The following ST8SIA3 variants were observed in gnomAD, a reference collection of about 807,000 sequenced individuals.
ST8SIA3 encodes the protein alpha-N-acetylneuraminate alpha-2,8-sialyltransferase ST8SIA3.
In ST8SIA3, 17 loss-of-function variants were observed where a neutral mutation model predicts 34.5. The observed-to-expected ratio is 0.49, with a 90% confidence interval of 0.34 to 0.74. ST8SIA3 has a LOEUF of 0.74. Among genes scored for constraint, ST8SIA3 ranks in the 30% least tolerant of loss-of-function variants. ST8SIA3 has a pLI of 0.01. For synonymous variants in ST8SIA3, 172 were observed against 176.1 expected, an observed-to-expected ratio of 0.98 and a Z score of 0.19; for missense variants, 354 against 467.8, an observed-to-expected ratio of 0.76 and a Z score of 2.24.
Position 57,360,022 on chromosome 18 carries a change from T to C in ST8SIA3, c.888T>C (p.Pro296=), listed in dbSNP as rs1316449441. Residue 296 remains proline (P), a synonymous_variant, in exon 4 of 4, where the codon CCT becomes CCC. Transcript: ENST00000324000. ...ACTGGAAAAACAAACATTTGTCACCTAAACGGCTGAGCACAGGTATTCTTA... is the reference window on the plus strand; with the variant it reads ...ACTGGAAAAACAAACATTTGTCACCCAAACGGCTGAGCACAGGTATTCTTA... ...NRYWKNKHLS[P]KRLSTGILMY... 6.2e-7 allele frequency: 1 copy of C among 1,613,004 alleles called. No individual in the cohort carries two copies.
rs1011850258 is a variant in ST8SIA3 at position 57,366,908 on chromosome 18, A to G, written c.*6631A>G. The G allele has an allele frequency of 5.9e-5, 9 of 152,262 alleles. No homozygotes were observed. Among genetic ancestry groups the G allele is most frequent in the African/African-American group, 2.2e-4 (9 of 41,472 alleles). The allele number at this position is 152,262 out of a possible 1,614,324, so 9.4% of individuals were successfully genotyped here. A position where few individuals can be genotyped will look rare whatever the true frequency, so the allele number is the denominator to read the frequency against. ...CCCCTGCAGTCCCCTGGCATTGAGC[A>G]ATAGAGCAACTGTCCTTTCTCACCA... On this transcript the variant is annotated 3_prime_UTR_variant, in exon 4 of 4. Transcript: ENST00000324000.
rs757593542 is a variant in ST8SIA3, at chr18:57,352,696, G to A, written c.-151G>A. 1.2e-5 allele frequency: 1 copy of A among 82,148 alleles called. No homozygotes were observed. The highest frequency in any genetic ancestry group is 4.9e-5 in the South Asian group (1 of 20,550). 5.1% of individuals were successfully genotyped at this position (82,148 alleles called of 1,614,324 possible). ...GCCCCGGTGGCCTCCCCCCACCCCC[G>A]CCCGGGTCCCCCTCCTCCGCCACAC... On this transcript the variant is annotated 5_prime_UTR_variant, in exon 1 of 4. Transcript: ENST00000324000.
At chr18:57,357,595 A>ATT in intron 3 of ST8SIA3, 125 bp downstream of exon 3, 1 of 755,278 alleles carries the variant, frequency 1.3e-6, no homozygotes, top group Non-Finnish European at 2.2e-6. Flanking sequence ...AATTAGAAGA[A>ATT]ACTCATATGT....
At chr18:57,356,464 T>C (rs1022315962) in intron 2 of ST8SIA3, among the ~76,000 whole-genome samples, 2 of 152,188 alleles carry the variant, frequency 1.3e-5, no homozygotes, top group African/African-American at 4.8e-5. Flanking sequence ...ACCACTGATA[T>C]TTGATATTCT....
rs2049856097 is a variant in ST8SIA3, at chr18:57,365,560, A to G, written c.*5283A>G. On this transcript the variant is annotated 3_prime_UTR_variant, in exon 4 of 4. Transcript: ENST00000324000. ...ATCTTTAGAATTGGTGAGAATGAGAAACAGGGAACTGAAGTGATTCATTCA... is the reference window on the plus strand; with the variant it reads ...ATCTTTAGAATTGGTGAGAATGAGAGACAGGGAACTGAAGTGATTCATTCA... 6.6e-6 allele frequency: 1 copy of G among 152,218 alleles called. No individual in the cohort carries two copies. The highest frequency in any genetic ancestry group is 1.5e-5 in the Non-Finnish European group (1 of 68,038). 9.4% of individuals were successfully genotyped at this position (152,218 alleles called of 1,614,324 possible).
intron 1 of ST8SIA3, among the ~76,000 whole-genome samples, chr18:57,353,426 G>A (rs1465976324): frequency 1.3e-5 from 2 of 152,070 alleles, no homozygotes; most frequent in African/African-American, 4.8e-5. Context: ...AGACTCCGCG[G>A]GCCGGGCCCG....
rs1422483453 is a variant in ST8SIA3, at chr18:57,367,474, T to C, written c.*7197T>C. On this transcript the variant is annotated 3_prime_UTR_variant, in exon 4 of 4. Coordinates refer to ENST00000324000, the MANE Select transcript of ST8SIA3 (RefSeq NM_015879.3). ...CTTTTCCTGACACCAAACAGAGAAG[T>C]CCACAGCTACAAGCACAAGGGGCTT... 6.6e-6 allele frequency: 1 copy of C among 152,590 alleles called. No homozygotes were observed. The highest frequency in any genetic ancestry group is 1.5e-5 in the Non-Finnish European group (1 of 68,036). The allele number at this position is 152,590 out of a possible 1,614,324, so 9.5% of individuals were successfully genotyped here.
Position 57,352,768 on chromosome 18 carries a change from A to ACACG in ST8SIA3, c.-77_-76insCGCA. 1 of 1,067,486 alleles carries ACACG rather than the reference A, an allele frequency of 9.4e-7. No homozygotes were observed. The highest frequency in any genetic ancestry group is 1.4e-6 in the Non-Finnish European group (1 of 718,322). The allele number at this position is 1,067,486 out of a possible 1,614,324, so 66.1% of individuals were successfully genotyped here. ...CACACACACACACACACACACACAC[A>ACACG]CATATATACACGCCAGCGAGCTGCT... On this transcript the variant is annotated 5_prime_UTR_variant, in exon 1 of 4. Coordinates refer to ENST00000324000, the MANE Select transcript of ST8SIA3 (RefSeq NM_015879.3).
At position 57,360,335 on chromosome 18, in the gene ST8SIA3, A is replaced by T. The variant is rs2049823772; in HGVS notation, c.*58A>T. On this transcript the variant is annotated 3_prime_UTR_variant, in exon 4 of 4. Coordinates refer to ENST00000324000, the MANE Select transcript of ST8SIA3 (RefSeq NM_015879.3). The stretch of plus-strand genomic sequence containing the variant: ...TAAAAAGTGCCCCAAATCAAATTGA[A>T]TAGCCTTCAGAATAGAACCCTAGAG... 2.0e-6 allele frequency: 3 copies of T among 1,517,066 alleles called. No individual in the cohort carries two copies. The East Asian group carries it at 6.9e-5, about 35-fold the overall frequency. The allele number at this position is 1,517,066 out of a possible 1,614,324, so 94.0% of individuals were successfully genotyped here. A position where few individuals can be genotyped will look rare whatever the true frequency, so the allele number is the denominator to read the frequency against.
In ST8SIA3 at chr18:57,360,050, T is replaced by C; in HGVS notation, c.916T>C (p.Tyr306His). 1.9e-6 allele frequency: 3 copies of C among 1,614,134 alleles called. No homozygotes were observed. Among genetic ancestry groups the C allele is most frequent in the Non-Finnish European group, 2.5e-6 (3 of 1,180,000 alleles). Reference sequence around the variant, plus strand: ...ACGGCTGAGCACAGGTATTCTTATGTACACCCTTGCATCAGCAATATGTGA... The same window carrying C: ...ACGGCTGAGCACAGGTATTCTTATGCACACCCTTGCATCAGCAATATGTGA... ...PKRLSTGILM[Y>H]TLASAICEEI... Residue 306 changes from tyrosine (Y) to histidine (H), a missense_variant, in exon 4 of 4, where the codon TAC (tyrosine) becomes CAC (histidine). Coordinates refer to ENST00000324000, the MANE Select transcript of ST8SIA3 (RefSeq NM_015879.3).
In ST8SIA3 at chr18:57,363,753, A is replaced by G. The variant is rs1310913740; in HGVS notation, c.*3476A>G. On this transcript the variant is annotated 3_prime_UTR_variant, in exon 4 of 4. Coordinates refer to ENST00000324000, the MANE Select transcript of ST8SIA3 (RefSeq NM_015879.3). ...CCTGAGATCAAAGGAAGCAGGGACA[A>G]TATTGTAGAATGCTAGGACACTGGA... 1 of 152,236 alleles carries G rather than the reference A, an allele frequency of 6.6e-6. No homozygotes were observed. The highest frequency in any genetic ancestry group is 2.4e-5 in the African/African-American group (1 of 41,462). 9.4% of individuals were successfully genotyped at this position (152,236 alleles called of 1,614,324 possible).
rs140018008 is a variant in ST8SIA3 at position 57,356,949 on chromosome 18, T to A, written c.339T>A (p.Asn113Lys). 4 of 1,600,592 alleles carry A rather than the reference T, an allele frequency of 2.5e-6. No homozygotes were observed. In the South Asian group the frequency reaches 3.4e-5, roughly 14 times the overall value. Reference sequence around the variant, plus strand: ...TTCAGCATGTCGATGTAATAAAAAATTTTTCTTTGACCAAGAATAGTGTTC... The same window carrying A: ...TTCAGCATGTCGATGTAATAAAAAAATTTTCTTTGACCAAGAATAGTGTTC... ...EILQHVDVIK[N>K]FSLTKNSVRI... Residue 113 changes from asparagine to lysine, a missense_variant, in exon 3 of 4, where the codon AAT (asparagine) becomes AAA (lysine). This residue lies in a region of ST8SIA3 where 184 missense variants were observed against 205.4 expected (regional missense o/e 0.90). Coordinates refer to ENST00000324000, the MANE Select transcript of ST8SIA3 (RefSeq NM_015879.3).
In ST8SIA3 at chr18:57,360,050, T is replaced by A. The variant is rs750075988; in HGVS notation, c.916T>A (p.Tyr306Asn). Residue 306 changes from tyrosine to asparagine, a missense_variant, in exon 4 of 4, where the codon TAC becomes AAC. Physicochemically the swap from Tyr to Asn is moderately radical, Grantham distance 143. Around this residue, in one of 3 missense-constraint regions of ST8SIA3, gnomAD observed 166 missense variants for 245.2 expected, o/e 0.68. Coordinates refer to ENST00000324000, the MANE Select transcript of ST8SIA3 (RefSeq NM_015879.3). ...PKRLSTGILM[Y>N]TLASAICEEI... ...ACGGCTGAGCACAGGTATTCTTATGTACACCCTTGCATCAGCAATATGTGA... is the reference window on the plus strand; with the variant it reads ...ACGGCTGAGCACAGGTATTCTTATGAACACCCTTGCATCAGCAATATGTGA... 18 of 1,614,134 alleles carry A rather than the reference T, an allele frequency of 1.1e-5. No homozygotes were observed. The highest frequency in any genetic ancestry group is 1.4e-5 in the Non-Finnish European group (17 of 1,180,000).
chr18:57,360,242 G>A lies in ST8SIA3; in HGVS notation c.1108G>A (p.Gly370Arg), dbSNP rs749280788. ...GCTGCTGTACCGAATGCATGGGGAAGGGCTCACCAAGCTGACTCTGTCACA... is the reference window on the plus strand; with the variant it reads ...GCTGCTGTACCGAATGCATGGGGAAAGGCTCACCAAGCTGACTCTGTCACA... ...FQLLYRMHGE[G>R]LTKLTLSHCA Residue 370 changes from glycine (G) to arginine (R), a missense_variant, in exon 4 of 4, where the codon GGG becomes AGG. Around this residue, in one of 3 missense-constraint regions of ST8SIA3, gnomAD observed 166 missense variants for 245.2 expected, o/e 0.68. Transcript: ENST00000324000. 9 of 1,614,064 alleles carry A rather than the reference G, an allele frequency of 5.6e-6. No homozygotes were observed. Among genetic ancestry groups the A allele is most frequent in the Non-Finnish European group, 7.6e-6 (9 of 1,179,994 alleles).
rs1246336185 is a variant in ST8SIA3, at chr18:57,359,860, CCT to C, written c.861-134_861-133del. On this transcript the variant is annotated intron_variant, in intron 3 of 3. Transcript: ENST00000324000. ...TGTGCCCAGAAGTTGTTTTTGGTTG[CCT>C]AAAATATAATTTCAAAACAAGCACT... 4.0e-6 allele frequency: 3 copies of C among 753,216 alleles called. No homozygotes were observed. The African/African-American group carries it at 5.3e-5, about 13-fold the overall frequency. The allele number at this position is 753,216 out of a possible 1,614,324, so 46.7% of individuals were successfully genotyped here.
rs924811258 is a variant in ST8SIA3, at chr18:57,367,206, G to A, written c.*6929G>A. On this transcript the variant is annotated 3_prime_UTR_variant, in exon 4 of 4. Coordinates refer to ENST00000324000, the MANE Select transcript of ST8SIA3 (RefSeq NM_015879.3). The stretch of plus-strand genomic sequence containing the variant: ...GTTGCTATAATAAAATACCCTACAG[G>A]TTCTGTAAGGCATTTCTAAACTGTA... The A allele has an allele frequency of 6.6e-6, 1 of 152,164 alleles. No homozygotes were observed. Among genetic ancestry groups the A allele is most frequent in the African/African-American group, 2.4e-5 (1 of 41,442 alleles). 9.4% of individuals were successfully genotyped at this position (152,164 alleles called of 1,614,324 possible).
chr18:57,357,531 C>A, intron 3 of ST8SIA3, 61 bp downstream of exon 3: 1 of 1,365,304 alleles, frequency 7.3e-7, no homozygotes, highest in Non-Finnish European at 1.0e-6. Flanking sequence ...ATGTTGTAAT[C>A]TCTTGGGGGT....
chr18:57,358,676 T>A (rs922988551), intron 3 of ST8SIA3, among the ~76,000 whole-genome samples: 1 of 152,130 alleles, frequency 6.6e-6, no homozygotes, highest in Non-Finnish European at 1.5e-5. Context: ...GGATATATGG[T>A]CACCTTTTTA....
At position 57,362,978 on chromosome 18, in the gene ST8SIA3, G is replaced by A. The variant is rs907706092; in HGVS notation, c.*2701G>A. 6.6e-6 allele frequency: 1 copy of A among 152,258 alleles called. No individual in the cohort carries two copies. The highest frequency in any genetic ancestry group is 2.4e-5 in the African/African-American group (1 of 41,468). The allele number at this position is 152,258 out of a possible 1,614,324, so 9.4% of individuals were successfully genotyped here. On this transcript the variant is annotated 3_prime_UTR_variant, in exon 4 of 4. Coordinates refer to ENST00000324000, the MANE Select transcript of ST8SIA3 (RefSeq NM_015879.3). ...GTGAACTGGGCAGTAATCAGCTCAGGACCATTGGCTCTTTCCTCCTCTTTC... is the reference window on the plus strand; with the variant it reads ...GTGAACTGGGCAGTAATCAGCTCAGAACCATTGGCTCTTTCCTCCTCTTTC...
Sources: allele counts gnomAD v4.1 joint callset (sites outside exome capture counted in the v4.1 genomes callset), GRCh38; gene constraint gnomAD v4.1.1; regional missense constraint gnomAD v4.1.1; transcripts MANE v1.5; gene names NCBI Gene and HGNC (gene_info 2026-07-23, HGNC 2026-07-21).